MARCHF1: variants seen among roughly 807,000 people sequenced by gnomAD.
MARCHF1 encodes the protein E3 ubiquitin-protein ligase MARCHF1.
MARCHF1 carries 40 observed loss-of-function variants against 54.2 expected under a neutral mutation model. The ratio of observed to expected loss-of-function variants is 0.74; its 90% confidence interval spans 0.57 to 0.96. The LOEUF (loss-of-function observed/expected upper bound fraction) is 0.96. MARCHF1 is among the 40% of genes least tolerant of loss of function. The probability of loss-of-function intolerance (pLI) is 0.00; values close to 1 mark genes in which losing one functional copy is unlikely to be tolerated. For synonymous variants in MARCHF1, 236 were observed against 236.3 expected (o/e 1.00, Z 0.01); for missense variants, 586 against 656.5 (o/e 0.89, Z 1.17).
intron 3 of MARCHF1, among the ~76,000 whole-genome samples, chr4:163,886,340 G>C (rs1269498748): frequency 1.4e-5 from 2 of 147,200 alleles, no homozygotes; most frequent in Non-Finnish European, 3.0e-5. Context: ...TAGATAGATA[G>C]ATAGATAGAT....
intron 5 of MARCHF1, among the ~76,000 whole-genome samples, chr4:163,663,088 G>T (rs544069462): frequency 6.6e-5 from 10 of 152,054 alleles, no homozygotes; most frequent in African/African-American, 2.2e-4. Context: ...ATTACTCAGA[G>T]AATTTGTTTT....
intron 1 of MARCHF1, among the ~76,000 whole-genome samples, chr4:164,199,475 T>C (rs1359904173): frequency 6.6e-6 from 1 of 151,814 alleles, no homozygotes; most frequent in Non-Finnish European, 1.5e-5. Context: ...AACCTGGTTG[T>C]TACCAAAAAA....
chr4:163,920,134 A>T (rs1338103810), intron 3 of MARCHF1, among the ~76,000 whole-genome samples: 2 of 152,212 alleles, frequency 1.3e-5, no homozygotes, highest in Non-Finnish European at 2.9e-5. Context: ...ATGATATTCA[A>T]AGAATAGAAG....
At chr4:164,363,777 G>GTGTGTGTGTGTGTGTGTGTGTC (rs879385972) in intron 1 of MARCHF1, among the ~76,000 whole-genome samples, 2 of 151,960 alleles carry the variant, frequency 1.3e-5, no homozygotes, top group Non-Finnish European at 2.9e-5. Context: ...GTGTGTGTGT[G>GTGTGTGTGTGTGTGTGTGTGTC]TGTGTGTCTG....
At chr4:163,744,705 T>C (rs1338504737) in intron 4 of MARCHF1, among the ~76,000 whole-genome samples, 1 of 152,176 alleles carries the variant, frequency 6.6e-6, no homozygotes, top group Non-Finnish European at 1.5e-5. Flanking sequence ...ATGTTACACC[T>C]TTTCCTTGTA....
intron 3 of MARCHF1, among the ~76,000 whole-genome samples, chr4:163,919,054 C>T (rs1216308374): frequency 1.3e-5 from 2 of 152,184 alleles, no homozygotes; most frequent in Middle Eastern, 3.4e-3. Flanking sequence ...AAATCTGTTT[C>T]AGTTTTATTT....
chr4:164,146,652 C>T (rs1179063622), intron 1 of MARCHF1, among the ~76,000 whole-genome samples: 1 of 151,890 alleles, frequency 6.6e-6, no homozygotes, highest in African/African-American at 2.4e-5. Flanking sequence ...CCCTTCCTTA[C>T]ACCTTATACA....
chr4:164,263,015 A>C (rs1482918831), intron 1 of MARCHF1, among the ~76,000 whole-genome samples: 1 of 152,166 alleles, frequency 6.6e-6, no homozygotes, highest in Non-Finnish European at 1.5e-5. Context: ...TGGCTTCAGG[A>C]AGGGGAGAGA....
At chr4:164,032,627 A>G (rs1753902118) in intron 2 of MARCHF1, among the ~76,000 whole-genome samples, 1 of 152,084 alleles carries the variant, frequency 6.6e-6, no homozygotes. Context: ...TTCAATTTCC[A>G]CATAGTTGTG....
intron 1 of MARCHF1, among the ~76,000 whole-genome samples, chr4:164,350,436 T>C (rs571289798): frequency 7.2e-5 from 11 of 152,288 alleles, no homozygotes; most frequent in South Asian, 4.1e-4. Context: ...TAGTGTTCTA[T>C]GACACCATAG....
chr4:163,634,001 T>C (rs1742210818), intron 5 of MARCHF1, among the ~76,000 whole-genome samples: 1 of 152,100 alleles, frequency 6.6e-6, no homozygotes, highest in Non-Finnish European at 1.5e-5. Context: ...AAACTAAGCT[T>C]CATAAGTGAA....
In MARCHF1 at chr4:163,855,924, A is replaced by G. The variant is rs17577803; in HGVS notation, c.-38-1755T>C. Reference sequence around the variant, plus strand: ...AGGTACTGAAGCAGGAATAGTAGTCATAAGAAGAGGATAACTTTCATTTTT... The same window carrying G: ...AGGTACTGAAGCAGGAATAGTAGTCGTAAGAAGAGGATAACTTTCATTTTT... On this transcript the variant is annotated intron_variant, in intron 3 of 9. Coordinates refer to ENST00000514618, the MANE Select transcript of MARCHF1 (RefSeq NM_001394959.1). 9.0e-3 allele frequency among the ~76,000 whole-genome samples: 1,372 copies of G among 152,354 alleles called. 9 individuals carry two copies. Among genetic ancestry groups the G allele is most frequent in the Non-Finnish European group, 0.016 (1,094 of 68,020 alleles).
rs116059894 is a variant in MARCHF1 at position 164,195,531 on chromosome 4, C to T, written c.-322-83869G>A. Among the ~76,000 whole-genome samples, 491 of 152,198 alleles carry T rather than the reference C, an allele frequency of 3.2e-3. 1 individual carries two copies. The highest frequency in any genetic ancestry group is 0.011 in the African/African-American group (460 of 41,514). On this transcript the variant is annotated intron_variant, in intron 1 of 9. Transcript: ENST00000514618. ...AAATGAAAATAGAAAGTTATTCTCACGTTGTGCATTAGAAGGGACCCTGGA... is the reference window on the plus strand; with the variant it reads ...AAATGAAAATAGAAAGTTATTCTCATGTTGTGCATTAGAAGGGACCCTGGA...
At chr4:163,831,710 A>G (rs1749029694) in intron 4 of MARCHF1, among the ~76,000 whole-genome samples, 1 of 152,238 alleles carries the variant, frequency 6.6e-6, no homozygotes, top group Non-Finnish European at 1.5e-5. Context: ...ATGTTTGAGG[A>G]AACAGGAAAG....
At chr4:163,911,829 G>A (rs6828919) in intron 3 of MARCHF1, among the ~76,000 whole-genome samples, 113,840 of 152,084 alleles carry the variant, frequency 0.75, 42,691 homozygotes, top group Middle Eastern at 0.82. Flanking sequence ...TATGCAAGGG[G>A]AGAGATTTCG....
chr4:163,952,540 CAAAA>C (rs1034236176), intron 3 of MARCHF1, among the ~76,000 whole-genome samples: 4 of 152,046 alleles, frequency 2.6e-5, no homozygotes, highest in African/African-American at 9.7e-5. Context: ...TACCATACAA[CAAAA>C]AGAGGGTCTG....
chr4:164,165,325 GT>G (rs1201852157), intron 1 of MARCHF1, among the ~76,000 whole-genome samples: 1 of 151,220 alleles, frequency 6.6e-6, no homozygotes, highest in African/African-American at 2.4e-5. Context: ...AAAAATTAAT[GT>G]TTTTATAGGA....
chr4:163,591,581 G>A (rs567636850), intron 7 of MARCHF1, among the ~76,000 whole-genome samples: 1 of 152,212 alleles, frequency 6.6e-6, no homozygotes, highest in South Asian at 2.1e-4. Flanking sequence ...TTATGAGAAT[G>A]TTAAGAAGTC....
intron 1 of MARCHF1, among the ~76,000 whole-genome samples, chr4:164,123,815 G>A (rs548459964): frequency 1.8e-4 from 27 of 151,850 alleles, no homozygotes; most frequent in African/African-American, 6.0e-4. Context: ...TTCATATTGG[G>A]GAAAATCTCC....
Sources: gnomAD v4.1 joint callset for allele counts (sites outside exome capture counted in the v4.1 genomes callset) on GRCh38, gnomAD v4.1.1 for gene constraint, MANE v1.5 for transcripts, NCBI Gene and HGNC (gene_info 2026-07-23, HGNC 2026-07-21) for gene names.